KIAA1328: variants seen among roughly 807,000 people sequenced by gnomAD.
KIAA1328 encodes KIAA1328, also known as protein hinderin.
In KIAA1328, 52 loss-of-function variants were observed where a neutral mutation model predicts 68.1. The ratio of observed to expected loss-of-function variants is 0.76; its 90% CI spans 0.61 to 0.96. The LOEUF is 0.96. KIAA1328 is among the 40% of genes least tolerant of loss of function. KIAA1328 has a pLI of 0.00. For missense variants in KIAA1328, 641 were observed against 677.6 expected, an observed-to-expected ratio of 0.95 and a Z score of 0.60; for synonymous variants, 232 against 239.4, an observed-to-expected ratio of 0.97 and a Z score of 0.28.
At chr18:37,105,501 GAAAAAAAA>G (rs376818867) in intron 7 of KIAA1328, among the ~76,000 whole-genome samples, 1 of 100,348 alleles carries the variant, frequency 1.0e-5, no homozygotes, top group African/African-American at 3.4e-5. Context: ...CTTTTTGAAG[GAAAAAAAA>G]AAAAAAAAAA....
rs574942262 is a variant in KIAA1328 at position 36,963,493 on chromosome 18, A to C, written c.576+4058A>C. Among the ~76,000 whole-genome samples the C allele has an allele frequency of 5.3e-5, 8 of 152,344 alleles. No individual in the cohort carries two copies. In the South Asian group the frequency reaches 1.4e-3, roughly 28 times the overall value. On this transcript the variant is annotated intron_variant, in intron 6 of 9. Transcript: ENST00000280020. Reference sequence around the variant, plus strand: ...ATAGTCACCAGGGGATCCTAAAGACATGTGGAAAAGACTCTTTTTCTATTT... The same window carrying C: ...ATAGTCACCAGGGGATCCTAAAGACCTGTGGAAAAGACTCTTTTTCTATTT...
intron 6 of KIAA1328, among the ~76,000 whole-genome samples, chr18:37,033,659 C>T (rs1047788083): frequency 2.0e-5 from 3 of 152,310 alleles, no homozygotes; most frequent in Non-Finnish European, 2.9e-5. Flanking sequence ...TATGTGCAGT[C>T]TTAGCAAAAC....
Position 37,160,326 on chromosome 18 carries a change from G to GA in KIAA1328, c.1362dup (p.Asp455ArgfsTer2). The GA allele has an allele frequency of 6.2e-7, 1 of 1,613,690 alleles. No individual in the cohort carries two copies. On this transcript the variant is annotated frameshift_variant, in exon 8 of 10. Transcript: ENST00000280020. LOFTEE classifies it high-confidence loss of function. ...AGACAGTTGGGTTTCATTCGCATAT[G>GA]AAAGATGATGCCCAGTGGTCATGTC...
At chr18:37,144,588 G>A (rs1345758688) in intron 7 of KIAA1328, among the ~76,000 whole-genome samples, 2 of 152,100 alleles carry the variant, frequency 1.3e-5, no homozygotes, top group Non-Finnish European at 2.9e-5. Flanking sequence ...CCAGAATGGA[G>A]TTCAGTGGTA....
chr18:36,948,307 G>A (rs77264336), intron 5 of KIAA1328, among the ~76,000 whole-genome samples: 4,838 of 145,022 alleles, frequency 0.033, 107 homozygotes, highest in East Asian at 0.094. Flanking sequence ...CTGTCTCCAG[G>A]CTGGAGTGCT....
chr18:36,957,508 C>T (rs931741351), intron 5 of KIAA1328, among the ~76,000 whole-genome samples: 2 of 152,098 alleles, frequency 1.3e-5, no homozygotes, highest in Admixed American at 6.5e-5. Flanking sequence ...TCATCTTGAA[C>T]AACTGGCAAT....
intron 7 of KIAA1328, among the ~76,000 whole-genome samples, chr18:37,071,362 C>T (rs904900599): frequency 5.3e-5 from 8 of 151,828 alleles, no homozygotes; most frequent in South Asian, 2.1e-4. Context: ...CATAAGGCAC[C>T]GCACCCGGCC....
chr18:37,109,350 T>G (rs1403012010), intron 7 of KIAA1328, among the ~76,000 whole-genome samples: 1 of 152,208 alleles, frequency 6.6e-6, no homozygotes, highest in Non-Finnish European at 1.5e-5. Context: ...TGATGACACT[T>G]AAAGGGGAAA....
chr18:36,995,810 A>G (rs2053367933), intron 6 of KIAA1328, among the ~76,000 whole-genome samples: 1 of 152,198 alleles, frequency 6.6e-6, no homozygotes, highest in African/African-American at 2.4e-5. Flanking sequence ...AGGGTGTAGG[A>G]AAGTTCTTTC....
chr18:36,925,260 T>C (rs558087626), intron 5 of KIAA1328, among the ~76,000 whole-genome samples: 8 of 152,122 alleles, frequency 5.3e-5, no homozygotes, highest in African/African-American at 1.9e-4. Context: ...ATAATAAAGA[T>C]ATATAATGGC....
At chr18:37,133,192 T>C (rs2058562718) in intron 7 of KIAA1328, among the ~76,000 whole-genome samples, 1 of 151,614 alleles carries the variant, frequency 6.6e-6, no homozygotes, top group South Asian at 2.1e-4. Context: ...ATTAGGTGGG[T>C]GTGATGGCGC....
chr18:37,048,559 C>A (rs1039226020), intron 6 of KIAA1328, among the ~76,000 whole-genome samples: 1 of 151,358 alleles, frequency 6.6e-6, no homozygotes, highest in African/African-American at 2.4e-5. Flanking sequence ...TAGTTTTAAA[C>A]CCTTTTCATG....
At chr18:37,177,098 TGCATTAATGTA>T (rs1336550484) in intron 9 of KIAA1328, among the ~76,000 whole-genome samples, 1 of 152,258 alleles carries the variant, frequency 6.6e-6, no homozygotes, top group African/African-American at 2.4e-5. Flanking sequence ...AGGCAGAATT[TGCATTAATGTA>T]GCCTTGGATC....
chr18:37,230,492 G>C (rs1024605651), downstream of KIAA1328: 3 of 152,116 alleles, frequency 2.0e-5, no homozygotes, highest in Non-Finnish European at 4.4e-5. Flanking sequence ...TTACTTTTCT[G>C]ATTTCTCCTT....
At chr18:36,885,708 G>C in intron 5 of KIAA1328, 36 bp downstream of exon 5, 1 of 1,320,846 alleles carries the variant, frequency 7.6e-7, no homozygotes, top group Middle Eastern at 2.0e-4. Flanking sequence ...TAACGTTCAA[G>C]AAGTTTGACT....
At chr18:37,153,857 TAA>T (rs199551458) in intron 7 of KIAA1328, among the ~76,000 whole-genome samples, 24 of 98,556 alleles carry the variant, frequency 2.4e-4, no homozygotes, top group Admixed American at 3.9e-4. Flanking sequence ...CTTTTTCTTT[TAA>T]AAAAAAAAAA....
At chr18:36,843,325 A>C (rs920687780) in intron 3 of KIAA1328, among the ~76,000 whole-genome samples, 5 of 152,058 alleles carry the variant, frequency 3.3e-5, no homozygotes, top group Non-Finnish European at 7.4e-5. Flanking sequence ...TATTTCCAGA[A>C]TTCACTTTAG....
chr18:37,074,156 T>C (rs2056628436), intron 7 of KIAA1328, among the ~76,000 whole-genome samples: 1 of 152,192 alleles, frequency 6.6e-6, no homozygotes, highest in Non-Finnish European at 1.5e-5. Context: ...TTTTTGTCGA[T>C]ATAGACTGCT....
intron 7 of KIAA1328, among the ~76,000 whole-genome samples, chr18:37,135,481 G>C (rs2058623162): frequency 1.3e-5 from 2 of 151,800 alleles, no homozygotes; most frequent in Admixed American, 6.6e-5. Flanking sequence ...CATGTTTTTT[G>C]GCTACTGTCT....
Sources: gnomAD v4.1 joint callset for allele counts (sites outside exome capture counted in the v4.1 genomes callset) on GRCh38, gnomAD v4.1.1 for gene constraint, MANE v1.5 for transcripts, NCBI Gene and HGNC (gene_info 2026-07-23, HGNC 2026-07-21) for gene names.